BNC2: variants seen among roughly 807,000 people sequenced by gnomAD.
BNC2 encodes the protein basonuclin zinc finger protein 2.
In BNC2, 20 loss-of-function variants were observed where a neutral mutation model predicts 76.3. The ratio of observed to expected loss-of-function variants is 0.26; its 90% CI spans 0.18 to 0.38. The LOEUF is 0.38. BNC2 is among the 10% of genes least tolerant of loss of function. BNC2 has a pLI of 1.00. For synonymous variants in BNC2, 582 were observed against 514.8 expected (o/e 1.13, Z -1.77); for missense variants, 1,382 against 1,399.8 (o/e 0.99, Z 0.20).
intron 1 of BNC2, among the ~76,000 whole-genome samples, chr9:16,851,777 C>A (rs764123872): frequency 3.0e-4 from 46 of 152,120 alleles, no homozygotes; most frequent in Non-Finnish European, 6.5e-4. Flanking sequence ...AAAGATTAAT[C>A]AAAAGCCCAG....
intron 5 of BNC2, among the ~76,000 whole-genome samples, chr9:16,532,023 T>C (rs192463734): frequency 1.0e-4 from 15 of 150,438 alleles, no homozygotes; most frequent in Admixed American, 9.9e-4. Flanking sequence ...GCATATTAAA[T>C]TTTTAAAGAT....
chr9:16,870,064 T>C (rs1280619873), intron 1 of BNC2, among the ~76,000 whole-genome samples: 1 of 152,012 alleles, frequency 6.6e-6, no homozygotes, highest in African/African-American at 2.4e-5. Context: ...GAGCATTTCC[T>C]CCCATCTCCA....
Position 16,621,820 on chromosome 9 carries a change from ATG to A in BNC2, c.331-38737_331-38736del, listed in dbSNP as rs1167207502. The stretch of plus-strand genomic sequence containing the variant: ...GCTCAGAATGAAAAAAGAAAAGAAA[ATG>A]TCTCGATAAACACTCATATTGATTA... On this transcript the variant is annotated intron_variant, in intron 3 of 6. Coordinates refer to ENST00000380672, the MANE Select transcript of BNC2 (RefSeq NM_017637.6). Among the ~76,000 whole-genome samples, 8 of 152,202 alleles carry A rather than the reference ATG, an allele frequency of 5.3e-5. No individual in the cohort carries two copies. In the East Asian group the frequency reaches 1.5e-3, roughly 29 times the overall value.
At chr9:16,522,421 G>A (rs1008698795) in intron 5 of BNC2, among the ~76,000 whole-genome samples, 1 of 152,166 alleles carries the variant, frequency 6.6e-6, no homozygotes, top group Admixed American at 6.5e-5. Flanking sequence ...CTCCATTGCT[G>A]TCGGGTTTTT....
chr9:16,648,996 G>A (rs1189391382), intron 3 of BNC2, among the ~76,000 whole-genome samples: 3 of 152,086 alleles, frequency 2.0e-5, no homozygotes, highest in Non-Finnish European at 2.9e-5. Flanking sequence ...CGACTTAGTC[G>A]CCTTAGACTC....
At chr9:16,448,796 A>T (rs1821279432) in intron 5 of BNC2, among the ~76,000 whole-genome samples, 1 of 152,198 alleles carries the variant, frequency 6.6e-6, no homozygotes, top group Non-Finnish European at 1.5e-5. Context: ...TCAGGGAACA[A>T]CACATTATTA....
rs189809817 is a variant in BNC2 at position 16,753,749 on chromosome 9, C to A, written c.4-15264G>T. On this transcript the variant is annotated intron_variant, in intron 1 of 6. Coordinates refer to ENST00000380672, the MANE Select transcript of BNC2 (RefSeq NM_017637.6). Reference sequence around the variant, plus strand: ...TTCATAAATATTTCTTCAAAATAATCTATTTTTCCACCACCACCCTCTCTT... The same window carrying A: ...TTCATAAATATTTCTTCAAAATAATATATTTTTCCACCACCACCCTCTCTT... Among the ~76,000 whole-genome samples, 609 of 152,284 alleles carry A rather than the reference C, an allele frequency of 4.0e-3. 4 individuals carry two copies. The highest frequency in any genetic ancestry group is 6.3e-3 in the Non-Finnish European group (429 of 68,022).
At chr9:16,445,122 G>A (rs1261433748) in intron 5 of BNC2, among the ~76,000 whole-genome samples, 1 of 152,164 alleles carries the variant, frequency 6.6e-6, no homozygotes, top group Non-Finnish European at 1.5e-5. Flanking sequence ...TAGATTCTGG[G>A]AAGCATTTAG....
At chr9:16,866,595 A>G (rs1186733293) in intron 1 of BNC2, among the ~76,000 whole-genome samples, 3 of 151,418 alleles carry the variant, frequency 2.0e-5, no homozygotes, top group African/African-American at 7.3e-5. Flanking sequence ...CCTGAAAGGC[A>G]AAAGCCTAGA....
chr9:16,485,143 T>A lies in BNC2; in HGVS notation c.670-47619A>T, dbSNP rs531622318. 4.6e-5 allele frequency among the ~76,000 whole-genome samples: 7 copies of A among 151,668 alleles called. No individual in the cohort carries two copies. The South Asian group carries it at 1.5e-3, about 32-fold the overall frequency. The stretch of plus-strand genomic sequence containing the variant: ...ACACACACACACACTATTTCTATTT[T>A]TTTTCTCTGAACCTGCCCAACAATT... On this transcript the variant is annotated intron_variant, in intron 5 of 6. Transcript: ENST00000380672.
intron 4 of BNC2, among the ~76,000 whole-genome samples, chr9:16,555,611 C>T (rs896289430): frequency 5.3e-5 from 8 of 151,558 alleles, no homozygotes; most frequent in African/African-American, 9.7e-5. Context: ...CTGGGCAATG[C>T]GGTGAAACTC....
At position 16,513,299 on chromosome 9, in the gene BNC2, CTTT is replaced by C. The variant is rs1202222924; in HGVS notation, c.669+39228_669+39230del. Among the ~76,000 whole-genome samples the C allele has an allele frequency of 3.2e-3, 274 of 85,532 alleles. 1 individual carries two copies. Among genetic ancestry groups the C allele is most frequent in the Middle Eastern group, 0.013 (1 of 80 alleles). 56.1% of individuals were successfully genotyped at this position (85,532 alleles called of 152,430 possible). ...CGGGTCTAAGACATGAGAAAAGGTTCTTTTTTTTTTTTTTTTTTTTTTTTTGAG... is the reference window on the plus strand; with the variant it reads ...CGGGTCTAAGACATGAGAAAAGGTTCTTTTTTTTTTTTTTTTTTTTTTGAG... On this transcript the variant is annotated intron_variant, in intron 5 of 6. Coordinates refer to ENST00000380672, the MANE Select transcript of BNC2 (RefSeq NM_017637.6).
At chr9:16,745,879 T>G (rs769064229) in intron 1 of BNC2, among the ~76,000 whole-genome samples, 16 of 152,184 alleles carry the variant, frequency 1.1e-4, no homozygotes, top group Non-Finnish European at 1.9e-4. Context: ...TCAGTAACAG[T>G]GGTTCTCAAA....
At chr9:16,689,135 TAC>T (rs1823069514) in intron 3 of BNC2, among the ~76,000 whole-genome samples, 1 of 94,334 alleles carries the variant, frequency 1.1e-5, no homozygotes, top group East Asian at 3.2e-4. Context: ...CACACACACA[TAC>T]ACACACTCTT....
intron 3 of BNC2, among the ~76,000 whole-genome samples, chr9:16,658,296 G>C (rs1821990976): frequency 6.6e-6 from 1 of 152,206 alleles, no homozygotes; most frequent in African/African-American, 2.4e-5. Context: ...TATAAGGCTG[G>C]AGAATTTGGA....
chr9:16,433,976 GGTACA>G (rs539768611), intron 6 of BNC2, among the ~76,000 whole-genome samples: 60 of 152,082 alleles, frequency 3.9e-4, no homozygotes, highest in African/African-American at 1.4e-3. Context: ...GAGGAGGTTG[GGTACA>G]GTATTTTATT....
intron 1 of BNC2, among the ~76,000 whole-genome samples, chr9:16,800,364 T>C (rs1817751405): frequency 6.6e-6 from 1 of 152,096 alleles, no homozygotes; most frequent in African/African-American, 2.4e-5. Flanking sequence ...ACATGTCTTT[T>C]TGCATAGTAT....
At chr9:16,820,884 C>T (rs1818310837) in intron 1 of BNC2, among the ~76,000 whole-genome samples, 1 of 151,578 alleles carries the variant, frequency 6.6e-6, no homozygotes, top group South Asian at 2.1e-4. Context: ...AATGGGAAAA[C>T]CCCTAACCAG....
rs563943898 is a variant in BNC2, at chr9:16,535,175, A to C, written c.669+17355T>G. 1.4e-4 allele frequency among the ~76,000 whole-genome samples: 22 copies of C among 152,332 alleles called. No homozygotes were observed. The South Asian group carries it at 4.3e-3, about 30-fold the overall frequency. On this transcript the variant is annotated intron_variant, in intron 5 of 6. Coordinates refer to ENST00000380672, the MANE Select transcript of BNC2 (RefSeq NM_017637.6). ...ATCCAAACTTTTGGGTTTATTGTTT[A>C]TGGCAACGTTGCCCATATGTTTTTA...
Sources: allele counts gnomAD v4.1 joint callset (sites outside exome capture counted in the v4.1 genomes callset), GRCh38; gene constraint gnomAD v4.1.1; transcripts MANE v1.5; gene names NCBI Gene and HGNC (gene_info 2026-07-23, HGNC 2026-07-21).